The following TCF4 variants were observed in gnomAD, a reference collection of about 807,000 sequenced individuals.
TCF4 encodes the protein transcription factor 4.
In TCF4, 3 loss-of-function variants were observed where a neutral mutation model predicts 82.1. The observed-to-expected ratio is 0.04, with a 90% confidence interval of 0.02 to 0.09. TCF4 has a LOEUF of 0.09. Ranked by LOEUF, TCF4 falls within the 10% of genes least tolerant of loss-of-function variation. TCF4 has a pLI of 1.00. For synonymous variants in TCF4, 276 were observed against 309.6 expected, an observed-to-expected ratio of 0.89 and a Z score of 1.14; for missense variants, 518 against 852.7, an observed-to-expected ratio of 0.61 and a Z score of 4.89.
chr18:55,512,756 T>C (rs1011956698), intron 3 of TCF4, among the ~76,000 whole-genome samples: 1 of 152,122 alleles, frequency 6.6e-6, no homozygotes, highest in Non-Finnish European at 1.5e-5. Context: ...TACTACTGTG[T>C]ATACATTGCA....
At chr18:55,628,553 C>G (rs2097728775) in intron 2 of TCF4, among the ~76,000 whole-genome samples, 1 of 151,866 alleles carries the variant, frequency 6.6e-6, no homozygotes, top group Non-Finnish European at 1.5e-5. Flanking sequence ...TCATTATACA[C>G]AGAAAAGCCT....
intron 3 of TCF4, among the ~76,000 whole-genome samples, chr18:55,535,226 T>C (rs2097104480): frequency 6.6e-6 from 1 of 152,240 alleles, no homozygotes; most frequent in Non-Finnish European, 1.5e-5. Flanking sequence ...TTAACTCCAG[T>C]GTGATCTCTA....
intron 5 of TCF4, among the ~76,000 whole-genome samples, chr18:55,438,575 A>C (rs1267161818): frequency 1.3e-5 from 2 of 152,230 alleles, no homozygotes; most frequent in African/African-American, 2.4e-5. Flanking sequence ...GGAACATTAC[A>C]TATGAGAATC....
At chr18:55,549,763 T>C (rs142448675) in intron 3 of TCF4, among the ~76,000 whole-genome samples, 1 of 152,070 alleles carries the variant, frequency 6.6e-6, no homozygotes, top group Non-Finnish European at 1.5e-5. Flanking sequence ...ATGAGTACAC[T>C]CTAAATAATG....
chr18:55,487,715 T>A lies in TCF4; in HGVS notation c.146-23578A>T, dbSNP rs2096532501. On this transcript the variant is annotated intron_variant, in intron 3 of 19. Transcript: ENST00000354452. Reference sequence around the variant, plus strand: ...AGTGAGGGGATCGATAAAAAAAAAATAGACAAGGATGGGATAACAACTTGA... The same window carrying A: ...AGTGAGGGGATCGATAAAAAAAAAAAAGACAAGGATGGGATAACAACTTGA... Among the ~76,000 whole-genome samples the A allele has an allele frequency of 2.0e-5, 3 of 151,514 alleles. No individual in the cohort carries two copies. The South Asian group carries it at 6.2e-4, about 31-fold the overall frequency.
In TCF4 at chr18:55,635,928, A is replaced by G; in HGVS notation, c.-31T>C. 2.5e-6 allele frequency: 4 copies of G among 1,578,312 alleles called. No homozygotes were observed. The South Asian group carries it at 3.5e-5, about 14-fold the overall frequency. ...TGTTCCTTTGGCCGCATAAGTGCCAATCTACAAGAAAGGTGATACTGTAGA... is the reference window on the plus strand; with the variant it reads ...TGTTCCTTTGGCCGCATAAGTGCCAGTCTACAAGAAAGGTGATACTGTAGA... On this transcript the variant is annotated 5_prime_UTR_variant, in exon 1 of 21. Transcript: ENST00000398339.
At chr18:55,513,859 A>C (rs775815911) in intron 3 of TCF4, among the ~76,000 whole-genome samples, 8 of 152,310 alleles carry the variant, frequency 5.3e-5, no homozygotes, top group Admixed American at 2.6e-4. Context: ...TCTCTTTGAA[A>C]ATACATATGC....
chr18:55,512,128 C>T (rs1357499726), intron 3 of TCF4, among the ~76,000 whole-genome samples: 5 of 152,130 alleles, frequency 3.3e-5, no homozygotes, highest in Admixed American at 1.3e-4. Flanking sequence ...GCACAGCCTT[C>T]CTAGATAGCA....
intron 8 of TCF4, among the ~76,000 whole-genome samples, chr18:55,300,363 C>A (rs2067830289): frequency 6.6e-6 from 1 of 150,706 alleles, no homozygotes; most frequent in South Asian, 2.1e-4. Context: ...TTAATGTGGG[C>A]CACATGTTCC....
At chr18:55,611,442 A>T (rs898413295) in intron 2 of TCF4, among the ~76,000 whole-genome samples, 4 of 152,142 alleles carry the variant, frequency 2.6e-5, no homozygotes, top group African/African-American at 9.7e-5. Flanking sequence ...AACTATCACC[A>T]CAAGATTCTA....
At chr18:55,382,702 A>G (rs141977458) in intron 6 of TCF4, among the ~76,000 whole-genome samples, 1 of 152,342 alleles carries the variant, frequency 6.6e-6, no homozygotes, top group African/African-American at 2.4e-5. Flanking sequence ...AACATAAATA[A>G]GAAAAAAAGA....
intron 3 of TCF4, among the ~76,000 whole-genome samples, chr18:55,544,978 G>A (rs751608291): frequency 3.9e-5 from 6 of 152,254 alleles, no homozygotes; most frequent in Non-Finnish European, 8.8e-5. Flanking sequence ...CAGGTGTTAC[G>A]AACAATTGTG....
At chr18:55,584,593 T>C (rs2097616069) in intron 3 of TCF4, among the ~76,000 whole-genome samples, 1 of 152,158 alleles carries the variant, frequency 6.6e-6, no homozygotes, top group Admixed American at 6.5e-5. Context: ...CAGATTCCTT[T>C]GTGAATAGTG....
chr18:55,617,767 G>A (rs2097713554), intron 2 of TCF4, among the ~76,000 whole-genome samples: 2 of 149,514 alleles, frequency 1.3e-5, no homozygotes, highest in South Asian at 4.2e-4. Context: ...GCTCTTTAAT[G>A]CTGCTTTTGT....
chr18:55,517,696 G>A (rs1280798150), intron 3 of TCF4, among the ~76,000 whole-genome samples: 1 of 152,160 alleles, frequency 6.6e-6, no homozygotes, highest in Non-Finnish European at 1.5e-5. Flanking sequence ...GAGATGGGAA[G>A]GCTGAGGAAG....
At chr18:55,635,936 G>C in exon 1 of TCF4, 1 of 1,581,844 alleles carries the variant, frequency 6.3e-7, no homozygotes, top group Non-Finnish European at 8.6e-7. Flanking sequence ...CAATCTACAA[G>C]AAAGGTGATA....
At chr18:55,593,208 A>T (rs1440251405), upstream of TCF4, among the ~76,000 whole-genome samples, 1 of 152,108 alleles carries the variant, frequency 6.6e-6, no homozygotes, top group East Asian at 1.9e-4. Flanking sequence ...AGTGTCATTC[A>T]TTCCCTTTTC....
At chr18:55,533,742 C>G (rs972089073) in intron 3 of TCF4, among the ~76,000 whole-genome samples, 1 of 152,066 alleles carries the variant, frequency 6.6e-6, no homozygotes. Context: ...TAATAAAATC[C>G]CTTCAGTACC....
At chr18:55,250,123 T>C (rs1426109682) in intron 15 of TCF4, among the ~76,000 whole-genome samples, 1 of 152,224 alleles carries the variant, frequency 6.6e-6, no homozygotes, top group African/African-American at 2.4e-5. Flanking sequence ...AGATTTCTGC[T>C]TTAATTTTGG....
Sources: allele counts gnomAD v4.1 joint callset (sites outside exome capture counted in the v4.1 genomes callset), GRCh38; gene constraint gnomAD v4.1.1; transcripts MANE v1.5; gene names NCBI Gene and HGNC (gene_info 2026-07-23, HGNC 2026-07-21).